TCF24: variants seen among roughly 807,000 people sequenced by gnomAD.
TCF24 encodes the protein transcription factor 24.
A neutral mutation model predicts 9.3 loss-of-function variants in TCF24; 5 were observed. That is an observed-to-expected ratio of 0.54 (90% CI 0.28 to 1.13). The LOEUF (loss-of-function observed/expected upper bound fraction) is 1.13. Among genes scored for constraint, TCF24 ranks in the 50% most tolerant of loss-of-function variants. The pLI is 0.09. For missense variants in TCF24, 220 were observed against 236.1 expected, an observed-to-expected ratio of 0.93 and a Z score of 0.45; for synonymous variants, 110 against 115.8, an observed-to-expected ratio of 0.95 and a Z score of 0.32.
chr8:66,960,703 C>T (rs1814238608), intron 3 of TCF24, among the ~76,000 whole-genome samples: 1 of 152,206 alleles, frequency 6.6e-6, no homozygotes, highest in African/African-American at 2.4e-5. Context: ...TAATTTTGTA[C>T]ATGAGACTTT....
chr8:66,949,420 C>A (rs1278363321), intron 3 of TCF24, among the ~76,000 whole-genome samples: 11 of 152,116 alleles, frequency 7.2e-5, no homozygotes, highest in Non-Finnish European at 1.5e-4. Context: ...CATGTCCCTA[C>A]AAAGGACATG....
chr8:66,959,117 C>T (rs1814214318), intron 3 of TCF24, among the ~76,000 whole-genome samples: 1 of 152,152 alleles, frequency 6.6e-6, no homozygotes, highest in African/African-American at 2.4e-5. Context: ...ACCACAGCCA[C>T]CTAATTTTTA....
chr8:66,953,875 C>T (rs1290709716), intron 3 of TCF24, among the ~76,000 whole-genome samples: 1 of 151,844 alleles, frequency 6.6e-6, no homozygotes, highest in African/African-American at 2.4e-5. Context: ...CCCTTTCTTC[C>T]AGTTGATCGC....
chr8:66,955,809 A>C (rs752049461), intron 3 of TCF24, among the ~76,000 whole-genome samples: 4 of 152,256 alleles, frequency 2.6e-5, no homozygotes, highest in Non-Finnish European at 5.9e-5. Context: ...ATTTTCACCT[A>C]AACTGGGACT....
intron 3 of TCF24, among the ~76,000 whole-genome samples, chr8:66,961,148 C>T (rs966639327): frequency 6.6e-6 from 1 of 152,334 alleles, no homozygotes; most frequent in African/African-American, 2.4e-5. Context: ...TCTTACCAAG[C>T]CACCCCGGCT....
At chr8:66,954,194 T>C (rs547634179) in intron 3 of TCF24, among the ~76,000 whole-genome samples, 20 of 152,228 alleles carry the variant, frequency 1.3e-4, no homozygotes, top group Non-Finnish European at 2.8e-4. Context: ...GTTTCCAGTA[T>C]TTCTGTTCTG....
intron 3 of TCF24, among the ~76,000 whole-genome samples, chr8:66,958,369 CATAATTAACTAGAACTG>C (rs1020136479): frequency 7.9e-5 from 12 of 152,122 alleles, no homozygotes; most frequent in African/African-American, 2.9e-4. Flanking sequence ...TTAGCAAACT[CATAATTAACTAGAACTG>C]AACCTGAAAC....
At chr8:66,949,439 A>AT (rs1040232067) in intron 3 of TCF24, among the ~76,000 whole-genome samples, 99 of 152,190 alleles carry the variant, frequency 6.5e-4, no homozygotes, top group East Asian at 3.1e-3. Flanking sequence ...TGAACTCATC[A>AT]TTTTTTATGG....
At chr8:66,956,883 C>T (rs1486440817) in intron 3 of TCF24, among the ~76,000 whole-genome samples, 2 of 151,914 alleles carry the variant, frequency 1.3e-5, no homozygotes, top group Non-Finnish European at 2.9e-5. Flanking sequence ...GTTAGATTAG[C>T]TCATGAGGGA....
At chr8:66,959,576 C>CT (rs1814221850) in intron 3 of TCF24, among the ~76,000 whole-genome samples, 1 of 152,132 alleles carries the variant, frequency 6.6e-6, no homozygotes, top group Non-Finnish European at 1.5e-5. Flanking sequence ...ACTTCCAACA[C>CT]TGTTATTTGT....
chr8:66,948,162 T>C lies in TCF24; in HGVS notation c.393A>G (p.Lys131=), dbSNP rs943624904. 1 of 1,527,628 alleles carries C rather than the reference T, an allele frequency of 6.5e-7. No individual in the cohort carries two copies. The highest frequency in any genetic ancestry group is 2.1e-5 in the Admixed American group (1 of 48,536). The allele number at this position is 1,527,628 out of a possible 1,614,324, so 94.6% of individuals were successfully genotyped here. Residue 131 remains lysine, a splice_region_variant and synonymous_variant, in exon 4 of 4, where the codon AAA becomes AAG. Transcript: ENST00000563496. ...TGTACAATCTTGATCGCATGGGCCA[T>C]TTCTGAAAAAGATTATTTCAACAAG... is the stretch of plus-strand genomic sequence containing the variant. The part of the protein sequence containing the change: ...RGDGYLHPVK[K]WPMRSRLYIG...
Position 66,961,805 on chromosome 8 carries a change from G to T in TCF24, c.-23-17C>A. 1.5e-5 allele frequency: 17 copies of T among 1,106,460 alleles called. No individual in the cohort carries two copies. Among genetic ancestry groups the T allele is most frequent in the South Asian group, 4.5e-5 (1 of 22,366 alleles). 68.5% of individuals were successfully genotyped at this position (1,106,460 alleles called of 1,614,324 possible). Reference sequence around the variant, plus strand: ...CCGCGCGCGCTGCAAAGGACCGAAGGTGCGGTGAGGCCGGGGGGCGGTCGG... The same window carrying T: ...CCGCGCGCGCTGCAAAGGACCGAAGTTGCGGTGAGGCCGGGGGGCGGTCGG... On this transcript the variant is annotated splice_polypyrimidine_tract_variant and intron_variant, in intron 2 of 3. Coordinates refer to ENST00000563496, the MANE Select transcript of TCF24 (RefSeq NM_001193502.2).
In TCF24 at chr8:66,961,495, G is replaced by A. The variant is rs975884011; in HGVS notation, c.271C>T (p.Leu91=). 1 of 1,527,344 alleles carries A rather than the reference G, an allele frequency of 6.5e-7. No individual in the cohort carries two copies. The highest frequency in any genetic ancestry group is 8.7e-7 in the Non-Finnish European group (1 of 1,143,726). The allele number at this position is 1,527,344 out of a possible 1,614,324, so 94.6% of individuals were successfully genotyped here. A position where few individuals can be genotyped will look rare whatever the true frequency, so the allele number is the denominator to read the frequency against. Residue 91 remains leucine (L), a synonymous_variant, in exon 3 of 4, where the codon CTG becomes TTG. Transcript: ENST00000563496. ...PDTKLSKLDV[L]LLATTYIAHL... The stretch of plus-strand genomic sequence containing the variant: ...GCGATGTAGGTGGTGGCCAGCAGCA[G>A]CACGTCCAGCTTGGACAGCTTGGTG...
intron 3 of TCF24, among the ~76,000 whole-genome samples, chr8:66,958,891 A>C (rs1814210852): frequency 6.6e-6 from 1 of 152,202 alleles, no homozygotes; most frequent in African/African-American, 2.4e-5. Flanking sequence ...TAAATTGCTC[A>C]TACCCCACAG....
Position 66,961,731 on chromosome 8 carries a change from C to T in TCF24, c.35G>A (p.Ser12Asn), listed in dbSNP as rs1814259604. 9.0e-7 allele frequency: 1 copy of T among 1,105,640 alleles called. No individual in the cohort carries two copies. Among genetic ancestry groups the T allele is most frequent in the Non-Finnish European group, 1.1e-6 (1 of 907,782 alleles). The allele number at this position is 1,105,640 out of a possible 1,614,324, so 68.5% of individuals were successfully genotyped here. Residue 12 changes from serine (S) to asparagine (N), a missense_variant, in exon 3 of 4, where the codon AGC becomes AAC. Ser to Asn is a conservative substitution (Grantham distance 46, BLOSUM62 1). Coordinates refer to ENST00000563496, the MANE Select transcript of TCF24 (RefSeq NM_001193502.2). ...CAGGGGCGCGGGCTCGGCGCTGGCG[C>T]TGAGGGGGCTGCCCGCTGGGCGGCC... Reference protein sequence around the residue: ...DRGRPAGSPLSASAEPAPLAA... With the variant: ...DRGRPAGSPLNASAEPAPLAA...
At chr8:66,959,282 C>T (rs1814216803) in intron 3 of TCF24, among the ~76,000 whole-genome samples, 1 of 152,158 alleles carries the variant, frequency 6.6e-6, no homozygotes, top group Admixed American at 6.5e-5. Flanking sequence ...AGGGTAAGAC[C>T]TAACACTATG....
At chr8:66,948,776 A>G (rs1814008335) in intron 3 of TCF24, among the ~76,000 whole-genome samples, 1 of 151,912 alleles carries the variant, frequency 6.6e-6, no homozygotes. Flanking sequence ...GTTCACTGCA[A>G]CCTCCATCTC....
intron 3 of TCF24, among the ~76,000 whole-genome samples, chr8:66,957,303 G>T (rs761053680): frequency 2.4e-4 from 36 of 149,306 alleles, no homozygotes; most frequent in Admixed American, 1.2e-3. Flanking sequence ...CATAATCCCA[G>T]CTACTTGGGA....
intron 3 of TCF24, among the ~76,000 whole-genome samples, chr8:66,957,722 C>G (rs547404120): frequency 1.3e-5 from 2 of 151,860 alleles, no homozygotes; most frequent in East Asian, 1.9e-4. Context: ...GCTTTGAAAC[C>G]TTTTACCTGC....
Sources: gnomAD v4.1 joint callset for allele counts (sites outside exome capture counted in the v4.1 genomes callset) on GRCh38, gnomAD v4.1.1 for gene constraint, MANE v1.5 for transcripts, NCBI Gene and HGNC (gene_info 2026-07-23, HGNC 2026-07-21) for gene names.